The following KCNT2 variants were observed in gnomAD, a reference collection of about 807,000 sequenced individuals.
KCNT2 encodes the protein potassium channel subfamily T member 2.
In KCNT2, 67 loss-of-function variants were observed where a neutral mutation model predicts 153.8. The observed-to-expected ratio is 0.44, with a 90% confidence interval of 0.36 to 0.53. The LOEUF (loss-of-function observed/expected upper bound fraction) is 0.53. Among genes scored for constraint, KCNT2 ranks in the 20% least tolerant of loss-of-function variants. KCNT2 has a pLI of 0.00. For synonymous variants in KCNT2, 500 were observed against 458.8 expected (o/e 1.09, Z -1.15); for missense variants, 975 against 1,354.8 (o/e 0.72, Z 4.40).
intron 8 of KCNT2, among the ~76,000 whole-genome samples, chr1:196,450,336 A>G (rs959095918): frequency 5.3e-5 from 8 of 151,844 alleles, no homozygotes; most frequent in African/African-American, 1.9e-4. Context: ...GTGATCATTC[A>G]TATGTTGATG....
intron 1 of KCNT2, among the ~76,000 whole-genome samples, chr1:196,572,487 G>T (rs1660894320): frequency 1.3e-5 from 2 of 152,082 alleles, no homozygotes; most frequent in Admixed American, 1.3e-4. Flanking sequence ...AGAGTGCAAT[G>T]AAGTGAATCA....
intron 1 of KCNT2, among the ~76,000 whole-genome samples, chr1:196,581,672 C>G (rs191647254): frequency 1.2e-3 from 187 of 152,138 alleles, no homozygotes; most frequent in African/African-American, 4.4e-3. Context: ...AACATATTTT[C>G]TTTCATTTAT....
intron 4 of KCNT2, among the ~76,000 whole-genome samples, chr1:196,479,626 G>T (rs561910969): frequency 6.6e-6 from 1 of 151,730 alleles, no homozygotes; most frequent in Non-Finnish European, 1.5e-5. Flanking sequence ...GTCCAGGCTG[G>T]TCTCAAGCCC....
intron 5 of KCNT2, among the ~76,000 whole-genome samples, chr1:196,469,944 TG>T (rs1677945299): frequency 6.6e-6 from 1 of 152,164 alleles, no homozygotes; most frequent in Non-Finnish European, 1.5e-5. Flanking sequence ...ACTATAAAAT[TG>T]GGACTCTTTC....
intron 1 of KCNT2, among the ~76,000 whole-genome samples, chr1:196,602,312 A>T (rs528100032): frequency 1.6e-4 from 24 of 152,350 alleles, no homozygotes; most frequent in African/African-American, 4.6e-4. Flanking sequence ...GACAACTTAG[A>T]CAAGCATGGT....
intron 26 of KCNT2, among the ~76,000 whole-genome samples, chr1:196,239,080 C>T (rs1479691406): frequency 6.6e-6 from 1 of 151,724 alleles, no homozygotes; most frequent in Non-Finnish European, 1.5e-5. Context: ...TAAAATATGG[C>T]TTTGCTCCAA....
At chr1:196,561,840 C>T (rs539301964) in intron 1 of KCNT2, among the ~76,000 whole-genome samples, 34 of 151,698 alleles carry the variant, frequency 2.2e-4, no homozygotes, top group Middle Eastern at 6.8e-3. Context: ...CATTGACTCC[C>T]TTCAGAAAGG....
intron 14 of KCNT2, among the ~76,000 whole-genome samples, chr1:196,353,913 T>C (rs1183129125): frequency 1.3e-5 from 2 of 151,922 alleles, no homozygotes; most frequent in Admixed American, 6.6e-5. Context: ...CTGTCCTAGA[T>C]ACAATATTTT....
intron 7 of KCNT2, among the ~76,000 whole-genome samples, chr1:196,467,431 G>A (rs896907038): frequency 6.6e-6 from 1 of 151,644 alleles, no homozygotes; most frequent in Non-Finnish European, 1.5e-5. Context: ...CTATTTAACA[G>A]TATTTTACCA....
intron 13 of KCNT2, among the ~76,000 whole-genome samples, chr1:196,397,254 T>C (rs1391821221): frequency 2.0e-5 from 3 of 151,440 alleles, no homozygotes; most frequent in Non-Finnish European, 4.4e-5. Flanking sequence ...TCACCATATA[T>C]ATTTAAAATT....
chr1:196,558,899 T>C (rs1659033152), intron 1 of KCNT2, among the ~76,000 whole-genome samples: 1 of 151,568 alleles, frequency 6.6e-6, no homozygotes, highest in Non-Finnish European at 1.5e-5. Context: ...ATATAAACTT[T>C]TAAGAAAAGG....
intron 1 of KCNT2, among the ~76,000 whole-genome samples, chr1:196,493,267 T>A (rs563042963): frequency 1.9e-4 from 29 of 151,820 alleles, no homozygotes; most frequent in Non-Finnish European, 4.4e-5. Flanking sequence ...AATTTCATTT[T>A]TCCTAATATG....
chr1:196,554,127 CA>C (rs1406096217), intron 1 of KCNT2, among the ~76,000 whole-genome samples: 1 of 151,066 alleles, frequency 6.6e-6, no homozygotes, highest in Non-Finnish European at 1.5e-5. Context: ...AAGAGCCAAC[CA>C]AACCCCAAAT....
chr1:196,377,975 G>A (rs1669117551), intron 13 of KCNT2, among the ~76,000 whole-genome samples: 1 of 152,046 alleles, frequency 6.6e-6, no homozygotes, highest in Non-Finnish European at 1.5e-5. Flanking sequence ...ACAAAATCCA[G>A]TAAGTCAGGT....
chr1:196,476,350 G>T (rs1678528893), intron 5 of KCNT2, among the ~76,000 whole-genome samples: 1 of 152,044 alleles, frequency 6.6e-6, no homozygotes, highest in Non-Finnish European at 1.5e-5. Flanking sequence ...GAACATTAAA[G>T]ATAAGAACTG....
intron 19 of KCNT2, among the ~76,000 whole-genome samples, chr1:196,321,988 C>T (rs923555708): frequency 2.0e-5 from 3 of 151,824 alleles, no homozygotes; most frequent in East Asian, 1.9e-4. Context: ...GCAAGCACAA[C>T]CTTTACATTG....
chr1:196,588,971 A>G (rs1482211120), intron 1 of KCNT2, among the ~76,000 whole-genome samples: 1 of 151,944 alleles, frequency 6.6e-6, no homozygotes, highest in Admixed American at 6.6e-5. Flanking sequence ...ATCCCCCAAA[A>G]AGCCTATAAG....
intron 1 of KCNT2, among the ~76,000 whole-genome samples, chr1:196,563,826 A>T (rs909041080): frequency 1.3e-5 from 2 of 152,026 alleles, no homozygotes; most frequent in African/African-American, 4.8e-5. Context: ...TTTCATAATA[A>T]AAGTATCAAG....
chr1:196,581,699 A>G (rs1558103147), intron 1 of KCNT2, among the ~76,000 whole-genome samples: 1 of 152,164 alleles, frequency 6.6e-6, no homozygotes, highest in African/African-American at 2.4e-5. Flanking sequence ...AAACTTTCCA[A>G]AAAGAGAAAG....
Sources: gnomAD v4.1 joint callset for allele counts (sites outside exome capture counted in the v4.1 genomes callset) on GRCh38, gnomAD v4.1.1 for gene constraint, MANE v1.5 for transcripts, NCBI Gene and HGNC (gene_info 2026-07-23, HGNC 2026-07-21) for gene names.